INSC: variants seen among roughly 807,000 people sequenced by gnomAD.
The protein encoded by INSC is protein inscuteable homolog.
Under a neutral mutation model 58.6 loss-of-function variants are expected in INSC, and 67 were observed. The observed-to-expected ratio is 1.14, with a 90% CI of 0.94 to 1.40. INSC has a LOEUF of 1.40. Among genes scored for constraint, INSC ranks in the 40% most tolerant of loss-of-function variants. The pLI is 0.00. For synonymous variants in INSC, 262 were observed against 276.1 expected (o/e 0.95, Z 0.51); for missense variants, 714 against 692.0 (o/e 1.03, Z -0.36).
chr11:15,241,612 C>T, intron 12 of INSC: 1 of 702,970 alleles, frequency 1.4e-6, no homozygotes, highest in Non-Finnish European at 2.6e-6. Flanking sequence ...CATCTCTGCC[C>T]TCCTGCTGTG....
chr11:15,217,843 G>A (rs1462022577), intron 7 of INSC, among the ~76,000 whole-genome samples: 1 of 152,136 alleles, frequency 6.6e-6, no homozygotes, highest in Non-Finnish European at 1.5e-5. Flanking sequence ...TACAATTTTT[G>A]TAGCCATAAA....
rs1851783564 is a variant in INSC, at chr11:15,229,927, ATATAT to A, written c.1170+4105_1170+4109del. 3.2e-5 allele frequency among the ~76,000 whole-genome samples: 2 copies of A among 61,866 alleles called. 1 individual carries two copies. The highest frequency in any genetic ancestry group is 1.2e-4 in the African/African-American group (2 of 17,296). The allele number at this position is 61,866 out of a possible 152,430, so 40.6% of individuals were successfully genotyped here. A position where few individuals can be genotyped will look rare whatever the true frequency, so the allele number is the denominator to read the frequency against. ...ATTTTTATATATATATAAATTTTTT[ATATAT>A]TATATATATATAATATTATATATAT... On this transcript the variant is annotated intron_variant, in intron 9 of 12. Coordinates refer to ENST00000379556, the MANE Select transcript of INSC (RefSeq NM_001042536.3).
intron 7 of INSC, among the ~76,000 whole-genome samples, chr11:15,208,463 G>C (rs55936803): frequency 0.033 from 4,974 of 152,310 alleles, 283 homozygotes; most frequent in African/African-American, 0.11. Flanking sequence ...CAGAGGGACT[G>C]TGGCTTGTTC....
intron 12 of INSC, among the ~76,000 whole-genome samples, chr11:15,244,964 C>A (rs1852502380): frequency 6.6e-6 from 1 of 152,200 alleles, no homozygotes. Flanking sequence ...GTTGCTCTAT[C>A]AGCAGATCTC....
chr11:15,240,924 T>G (rs1852326113), intron 12 of INSC, among the ~76,000 whole-genome samples: 1 of 152,136 alleles, frequency 6.6e-6, no homozygotes, highest in African/African-American at 2.4e-5. Context: ...CCTCCACTTG[T>G]CCCTACAGGG....
intron 1 of INSC, among the ~76,000 whole-genome samples, chr11:15,142,782 T>G (rs1237984235): frequency 4.6e-5 from 7 of 151,862 alleles, no homozygotes; most frequent in Admixed American, 2.0e-4. Context: ...GATATTAGGA[T>G]GCAGAGCACT....
At chr11:15,137,038 G>T (rs1254611839) in intron 1 of INSC, among the ~76,000 whole-genome samples, 1 of 152,148 alleles carries the variant, frequency 6.6e-6, no homozygotes, top group African/African-American at 2.4e-5. Context: ...CTGCAGAATA[G>T]ATGTTAGCAG....
chr11:15,163,919 C>A (rs1268245761), intron 2 of INSC, among the ~76,000 whole-genome samples: 3 of 152,072 alleles, frequency 2.0e-5, no homozygotes, highest in African/African-American at 7.2e-5. Context: ...TTTTTATTTT[C>A]AAAGTTTTCT....
At chr11:15,184,249 G>A (rs866162129) in intron 5 of INSC, among the ~76,000 whole-genome samples, 47 of 151,382 alleles carry the variant, frequency 3.1e-4, no homozygotes, top group African/African-American at 8.0e-4. Flanking sequence ...GTTTTATAAT[G>A]TATACAATTA....
At chr11:15,229,281 GA>G (rs1193839697) in intron 9 of INSC, among the ~76,000 whole-genome samples, 1 of 152,126 alleles carries the variant, frequency 6.6e-6, no homozygotes, top group Non-Finnish European at 1.5e-5. Context: ...ATTTTAGAAT[GA>G]CTAGATTTTG....
chr11:15,146,644 T>C (rs1164111374), intron 1 of INSC, among the ~76,000 whole-genome samples: 1 of 152,230 alleles, frequency 6.6e-6, no homozygotes, highest in Non-Finnish European at 1.5e-5. Flanking sequence ...CAGAGGCTCC[T>C]GAAGGAAAAG....
chr11:15,260,576 T>G, the INSC span, among the ~76,000 whole-genome samples: 1 of 152,178 alleles, frequency 6.6e-6, no homozygotes, highest in African/African-American at 2.4e-5. Context: ...ATATATGGGA[T>G]GTGTCTAACA....
intron 8 of INSC, 130 bp from the exon 9 acceptor site, chr11:15,225,520 T>C (rs1290702350): frequency 1.1e-6 from 1 of 924,112 alleles, no homozygotes; most frequent in Non-Finnish European, 1.6e-6. Context: ...GTAGCCACTT[T>C]CCTCATCTGT....
At chr11:15,114,087 C>G (rs1224441086), upstream of INSC, among the ~76,000 whole-genome samples, 1 of 151,248 alleles carries the variant, frequency 6.6e-6, no homozygotes, top group Non-Finnish European at 1.5e-5. Context: ...TCAAGATTCT[C>G]TGGGCTCTGG....
At chr11:15,215,324 G>T (rs989240826) in intron 7 of INSC, among the ~76,000 whole-genome samples, 1 of 152,224 alleles carries the variant, frequency 6.6e-6, no homozygotes, top group Non-Finnish European at 1.5e-5. Context: ...TTTACAACAA[G>T]GGATGGGAAG....
chr11:15,211,827 T>C (rs1851035908), intron 7 of INSC, among the ~76,000 whole-genome samples: 1 of 152,050 alleles, frequency 6.6e-6, no homozygotes, highest in Non-Finnish European at 1.5e-5. Context: ...TTTTTTTAAA[T>C]AGTGATACAT....
chr11:15,177,132 A>C lies in INSC; in HGVS notation c.424A>C (p.Lys142Gln), dbSNP rs1849598284. Residue 142 changes from lysine to glutamine, a missense_variant, in exon 4 of 13, where the codon AAA (lysine) becomes CAA (glutamine). Physicochemically the swap from Lys to Gln is moderately conservative, Grantham distance 53. Transcript: ENST00000379556. Reference protein sequence around the residue: ...MGEIEKLLMEKCSELSAVTER... With the variant: ...MGEIEKLLMEQCSELSAVTER... ...ACAGATTGAGAAGCTGCTAATGGAGAAATGCTCGGAGCTCTCGGCAGTCAC... is the reference window on the plus strand; with the variant it reads ...ACAGATTGAGAAGCTGCTAATGGAGCAATGCTCGGAGCTCTCGGCAGTCAC... 6.2e-7 allele frequency: 1 copy of C among 1,613,920 alleles called. No individual in the cohort carries two copies. Among genetic ancestry groups the C allele is most frequent in the Admixed American group, 1.7e-5 (1 of 60,008 alleles).
At chr11:15,116,058 G>A (rs1796129644) in intron 1 of INSC, among the ~76,000 whole-genome samples, 1 of 152,140 alleles carries the variant, frequency 6.6e-6, no homozygotes, top group Non-Finnish European at 1.5e-5. Context: ...CCTTTGAGGG[G>A]TTCCATTGAA....
intron 1 of INSC, among the ~76,000 whole-genome samples, chr11:15,146,424 T>C (rs1005040): frequency 6.3e-4 from 96 of 152,320 alleles, no homozygotes; most frequent in African/African-American, 2.3e-3. Context: ...AATAGGGCAG[T>C]GATGCATATG....
Sources: gnomAD v4.1 joint callset for allele counts (sites outside exome capture counted in the v4.1 genomes callset) on GRCh38, gnomAD v4.1.1 for gene constraint, MANE v1.5 for transcripts, NCBI Gene and HGNC (gene_info 2026-07-23, HGNC 2026-07-21) for gene names.